The following INO80 variants were observed in gnomAD, a reference collection of about 807,000 sequenced individuals.
INO80 encodes chromatin-remodeling ATPase INO80.
INO80 carries 20 observed loss-of-function variants against 203.4 expected under a neutral mutation model. The ratio of observed to expected loss-of-function variants is 0.10; its 90% confidence interval spans 0.07 to 0.14. INO80 has a LOEUF of 0.14. Ranked by LOEUF, INO80 falls within the 10% of genes least tolerant of loss-of-function variation. The probability of loss-of-function intolerance (pLI) is 1.00; values close to 1 mark genes in which losing one functional copy is unlikely to be tolerated. For missense variants in INO80, 1,419 were observed against 1,914.4 expected, an observed-to-expected ratio of 0.74 and a Z score of 4.83; for synonymous variants, 726 against 685.2, an observed-to-expected ratio of 1.06 and a Z score of -0.93.
At chr15:41,085,346 A>G (rs1278363569) in intron 7 of INO80, 23 bp downstream of exon 7, 24 of 1,598,062 alleles carry the variant, frequency 1.5e-5, no homozygotes, top group Middle Eastern at 3.3e-4. Context: ...CCTAATTTCC[A>G]TCTCCTGGAG....
rs1233854296 is a variant in INO80 at position 40,987,168 on chromosome 15, C to G, written c.3755G>C (p.Gly1252Ala). ...SEIQRMVISG[G>A]NFKPDTLKPK... ...TTTCAAGGTATCTGGTTTGAAGTTC[C>G]CACCTGAAATCACCATCCGCTGAAT... The change falls in exon 31 of 36, where the codon GGG becomes GCG. Residue 1252 changes from glycine (G) to alanine (A), a missense_variant. By Grantham distance (60) the Gly-to-Ala change is moderately conservative. Transcript: ENST00000648947. 12 of 1,611,552 alleles carry G rather than the reference C, an allele frequency of 7.4e-6. No individual in the cohort carries two copies. Among genetic ancestry groups the G allele is most frequent in the Admixed American group, 1.7e-5 (1 of 59,918 alleles).
chr15:41,112,452 C>A (rs1293634784), intron 1 of INO80, among the ~76,000 whole-genome samples: 1 of 152,102 alleles, frequency 6.6e-6, no homozygotes, highest in Non-Finnish European at 1.5e-5. Flanking sequence ...ATGCTATAGC[C>A]TATCATATCA....
chr15:41,085,717 G>GATATTCCCATTATCAAGGATTATCT, intron 6 of INO80, 134 bp from the exon 7 acceptor site: 2 of 648,676 alleles, frequency 3.1e-6, no homozygotes. Flanking sequence ...TATCTACTCA[G>GATATTCCCATTATCAAGGATTATCT]ACCCATGAAT....
At chr15:41,103,277 C>CT (rs1355262665) in intron 1 of INO80, among the ~76,000 whole-genome samples, 1 of 152,348 alleles carries the variant, frequency 6.6e-6, no homozygotes, top group African/African-American at 2.4e-5. Context: ...CATTTAGCTT[C>CT]TTAGCCTCAC....
At chr15:40,993,337 G>A (rs561213131) in intron 29 of INO80, among the ~76,000 whole-genome samples, 2 of 151,870 alleles carry the variant, frequency 1.3e-5, no homozygotes, top group East Asian at 3.9e-4. Flanking sequence ...AGAAACCATA[G>A]ACTAAACCTG....
At chr15:40,983,951 A>G in intron 33 of INO80, 30 bp from the exon 34 acceptor site, 1 of 1,607,088 alleles carries the variant, frequency 6.2e-7, no homozygotes, top group East Asian at 2.2e-5. Flanking sequence ...GATCATTACG[A>G]CCCCCTGTGC....
intron 35 of INO80, among the ~76,000 whole-genome samples, chr15:40,981,912 GCTCT>G (rs770983953): frequency 2.6e-5 from 4 of 152,196 alleles, no homozygotes; most frequent in African/African-American, 4.8e-5. Context: ...GCCACTGCCA[GCTCT>G]CTGTCACCAG....
At chr15:41,085,731 C>T (rs2045553228) in intron 6 of INO80, 148 bp from the exon 7 acceptor site, 2 of 630,122 alleles carry the variant, frequency 3.2e-6, no homozygotes, top group South Asian at 4.1e-5. Flanking sequence ...CATGAATATT[C>T]CTTGAGGAAG....
At chr15:41,114,783 G>A (rs1441642368) in intron 1 of INO80, among the ~76,000 whole-genome samples, 1 of 151,360 alleles carries the variant, frequency 6.6e-6, no homozygotes, top group Non-Finnish European at 1.5e-5. Flanking sequence ...ACCATGTTAA[G>A]TGAAACAAAC....
chr15:41,071,950 T>G lies in INO80; in HGVS notation c.1504A>C (p.Ile502Leu). ...GESYSLANPSIRAGEDIPQPT... is the reference protein window; with the variant it reads ...GESYSLANPSLRAGEDIPQPT... The stretch of plus-strand genomic sequence containing the variant: ...TGTGGAATATCCTCACCAGCCCGGA[T>G]AGATGGGTTAGCCAGGCTATAACTC... Residue 502 changes from isoleucine to leucine, a missense_variant, in exon 12 of 36, where the codon ATC becomes CTC. By Grantham distance (5) the Ile-to-Leu change is conservative. Coordinates refer to ENST00000648947, the MANE Select transcript of INO80 (RefSeq NM_017553.3). The G allele has an allele frequency of 1.2e-6, 2 of 1,613,984 alleles. No homozygotes were observed. The highest frequency in any genetic ancestry group is 1.7e-6 in the Non-Finnish European group (2 of 1,179,984).
intron 28 of INO80, 48 bp from the exon 29 acceptor site, chr15:40,997,649 A>T: frequency 1.6e-6 from 2 of 1,231,860 alleles, no homozygotes; most frequent in Non-Finnish European, 2.4e-6. Flanking sequence ...AAAAGAAAAA[A>T]TGGCATGTAT....
intron 1 of INO80, among the ~76,000 whole-genome samples, chr15:41,098,993 C>A (rs887867546): frequency 6.6e-6 from 1 of 151,832 alleles, no homozygotes; most frequent in Non-Finnish European, 1.5e-5. Flanking sequence ...CACCTATAAT[C>A]TCAACATTTA....
chr15:40,991,936 C>T (rs778314147), intron 29 of INO80, among the ~76,000 whole-genome samples: 6 of 152,158 alleles, frequency 3.9e-5, no homozygotes. Context: ...CGCCACCATG[C>T]CCGGCTCATT....
At chr15:41,107,353 T>A (rs1206733694) in intron 1 of INO80, among the ~76,000 whole-genome samples, 1 of 151,804 alleles carries the variant, frequency 6.6e-6, no homozygotes, top group Non-Finnish European at 1.5e-5. Flanking sequence ...ATACAAAAAT[T>A]AGCCAGGCAT....
At chr15:40,985,484 T>C in intron 31 of INO80, 58 bp from the exon 32 acceptor site, 2 of 1,250,364 alleles carry the variant, frequency 1.6e-6, no homozygotes, top group Non-Finnish European at 2.4e-6. Flanking sequence ...TAATCCTCAC[T>C]CTCTTAATTA....
intron 1 of INO80, among the ~76,000 whole-genome samples, chr15:41,110,032 T>C (rs558052582): frequency 6.8e-6 from 1 of 148,078 alleles, no homozygotes; most frequent in South Asian, 2.2e-4. Flanking sequence ...GAGGCAGAGG[T>C]TGCAGTGAGC....
chr15:41,039,343 A>G (rs569432270), intron 24 of INO80, among the ~76,000 whole-genome samples: 6 of 152,312 alleles, frequency 3.9e-5, no homozygotes, highest in Middle Eastern at 3.4e-3. Flanking sequence ...TCTACCATTC[A>G]TTATCTACCA....
Position 40,987,989 on chromosome 15 carries a change from G to A in INO80, c.3571-15C>T. The stretch of plus-strand genomic sequence containing the variant: ...TAGAAAATCACCTGCATAGAATATA[G>A]CAAAAACTGAAGCACTCTTAGGGAA... On this transcript the variant is annotated splice_polypyrimidine_tract_variant and intron_variant, in intron 29 of 35. Coordinates refer to ENST00000648947, the MANE Select transcript of INO80 (RefSeq NM_017553.3). 6.3e-7 allele frequency: 1 copy of A among 1,599,782 alleles called. No homozygotes were observed. Among genetic ancestry groups the A allele is most frequent in the Non-Finnish European group, 8.5e-7 (1 of 1,171,926 alleles).
chr15:41,094,673 T>C (rs2140664141), intron 4 of INO80, among the ~76,000 whole-genome samples: 1 of 152,312 alleles, frequency 6.6e-6, no homozygotes, highest in Non-Finnish European at 1.5e-5. Flanking sequence ...GAATTAATAT[T>C]CCTGATTATG....
Sources: allele counts gnomAD v4.1 joint callset (sites outside exome capture counted in the v4.1 genomes callset), GRCh38; gene constraint gnomAD v4.1.1; transcripts MANE v1.5; gene names NCBI Gene and HGNC (gene_info 2026-07-23, HGNC 2026-07-21).